Variants in ZNF284 observed in about 807,000 individuals in gnomAD.
ZNF284 encodes zinc finger protein 284.
A neutral mutation model predicts 12.9 loss-of-function variants in ZNF284; 12 were observed. That is an observed-to-expected ratio of 0.93 (90% CI 0.60 to 1.51). The LOEUF is 1.51. Ranked by LOEUF, ZNF284 falls within the 40% of genes most tolerant of loss-of-function variation. The pLI is 0.00. For synonymous variants in ZNF284, 225 were observed against 236.5 expected (o/e 0.95, Z 0.45); for missense variants, 667 against 707.3 (o/e 0.94, Z 0.65).
chr19:44,079,332 G>A (rs886788415), intron 2 of ZNF284, among the ~76,000 whole-genome samples: 6 of 152,198 alleles, frequency 3.9e-5, no homozygotes, highest in South Asian at 2.1e-4. Flanking sequence ...GGTGGCTCAC[G>A]CCCATATTCC....
At chr19:44,072,801 C>T (rs959200973) in intron 1 of ZNF284, among the ~76,000 whole-genome samples, 1 of 152,226 alleles carries the variant, frequency 6.6e-6, no homozygotes, top group Admixed American at 6.5e-5. Flanking sequence ...AGGGTTGTTT[C>T]CATTTCCACG....
chr19:44,087,305 T>C lies in ZNF284; in HGVS notation c.*45T>C, dbSNP rs1304814743. 9 of 1,278,356 alleles carry C rather than the reference T, an allele frequency of 7.0e-6. No individual in the cohort carries two copies. In the South Asian group the frequency reaches 1.3e-4, roughly 18 times the overall value. 79.2% of individuals were successfully genotyped at this position (1,278,356 alleles called of 1,614,324 possible). Reference sequence around the variant, plus strand: ...GTTACAGCATATTTCAATACATGTATACAATGTATAATGATCAAATCAGTG... The same window carrying C: ...GTTACAGCATATTTCAATACATGTACACAATGTATAATGATCAAATCAGTG... On this transcript the variant is annotated 3_prime_UTR_variant, in exon 5 of 5. Coordinates refer to ENST00000421176, the MANE Select transcript of ZNF284 (RefSeq NM_001037813.4).
At chr19:44,073,011 G>A (rs1329712494) in intron 1 of ZNF284, among the ~76,000 whole-genome samples, 1 of 152,204 alleles carries the variant, frequency 6.6e-6, no homozygotes, top group Non-Finnish European at 1.5e-5. Flanking sequence ...TGTAGGATGT[G>A]TCCTCAGGCA....
At position 44,072,237 on chromosome 19, in the gene ZNF284, T is replaced by G. The variant is rs1056210333; in HGVS notation, c.-123T>G. 1 of 152,240 alleles carries G rather than the reference T, an allele frequency of 6.6e-6. No individual in the cohort carries two copies. Among genetic ancestry groups the G allele is most frequent in the African/African-American group, 2.4e-5 (1 of 41,452 alleles). 9.4% of individuals were successfully genotyped at this position (152,240 alleles called of 1,614,324 possible). ...AAACGTGTCCCCTTACGATGCTGGC[T>G]CGCAACCACCTGGAAGTTGACTAAG... On this transcript the variant is annotated 5_prime_UTR_variant, in exon 1 of 5. Transcript: ENST00000421176.
Position 44,085,993 on chromosome 19 carries a change from A to G in ZNF284, c.515A>G (p.Lys172Arg). The change falls in exon 5 of 5, where the codon AAG becomes AGG. Residue 172 changes from lysine (K) to arginine (R), a missense_variant. Coordinates refer to ENST00000421176, the MANE Select transcript of ZNF284 (RefSeq NM_001037813.4). ...LDLHQQLHSG[K>R]ISHTCNEYRK... ...CTTCATCAACAATTACACTCAGGAAAGATATCCCATACATGTAATGAGTAC... is the reference window on the plus strand; with the variant it reads ...CTTCATCAACAATTACACTCAGGAAGGATATCCCATACATGTAATGAGTAC... The G allele has an allele frequency of 6.2e-7, 1 of 1,614,176 alleles. No individual in the cohort carries two copies. Among genetic ancestry groups the G allele is most frequent in the African/African-American group, 1.3e-5 (1 of 75,060 alleles).
In ZNF284 at chr19:44,086,202, C is replaced by T. The variant is rs756725670; in HGVS notation, c.724C>T (p.Arg242Cys). 18 of 1,614,064 alleles carry T rather than the reference C, an allele frequency of 1.1e-5. No individual in the cohort carries two copies. The highest frequency in any genetic ancestry group is 2.2e-5 in the East Asian group (1 of 44,866). Residue 242 changes from arginine (R) to cysteine (C), a missense_variant, in exon 5 of 5, where the codon CGT becomes TGT. By Grantham distance (180) the Arg-to-Cys change is radical. Transcript: ENST00000421176. The part of the protein sequence containing the change: ...KCEQCGKSFS[R>C]RSGMYVHCKL... ...TGAGCAGTGTGGGAAAAGTTTCAGC[C>T]GTAGATCAGGAATGTATGTTCATTG...
At chr19:44,079,212 A>G (rs1271226200) in intron 2 of ZNF284, among the ~76,000 whole-genome samples, 1 of 152,286 alleles carries the variant, frequency 6.6e-6, no homozygotes, top group Non-Finnish European at 1.5e-5. Flanking sequence ...AAGATAGATC[A>G]TCAGTTCCCT....
Position 44,086,766 on chromosome 19 carries a change from C to T in ZNF284, c.1288C>T (p.Gln430Ter). 11 of 1,613,900 alleles carry T rather than the reference C, an allele frequency of 6.8e-6. No homozygotes were observed. The highest frequency in any genetic ancestry group is 9.3e-6 in the Non-Finnish European group (11 of 1,179,992). The stretch of plus-strand genomic sequence containing the variant: ...TAGAGAAGAAGAACTGTATAAATGT[C>T]AGAAGTGTGGGAAGGGCTACATTAG... ...AYREEELYKCQKCGKGYISKF... is the reference protein window; with the variant it reads ...AYREEELYKC The change falls in exon 5 of 5, where the codon CAG becomes TAG. Residue 430 changes from glutamine (Q) to a stop codon, truncating the protein, a stop_gained. Coordinates refer to ENST00000421176, the MANE Select transcript of ZNF284 (RefSeq NM_001037813.4). LOFTEE classifies it low-confidence loss of function (END_TRUNC).
At chr19:44,072,965 T>C (rs1020236534) in intron 1 of ZNF284, among the ~76,000 whole-genome samples, 4 of 152,238 alleles carry the variant, frequency 2.6e-5, no homozygotes, top group African/African-American at 9.6e-5. Flanking sequence ...TCCTTGGCTT[T>C]TTTTCTTTTA....
rs1967309030 is a variant in ZNF284 at position 44,089,230 on chromosome 19, G to GACCCTCTTGCTTCA, written c.*1971_*1972insCCCTCTTGCTTCAA. ...TAGCCTCGAACTCCTGGGCCTAAGTGATCCTCTTGCTTCAATCCCCTGAGA... is the reference window on the plus strand; with the variant it reads ...TAGCCTCGAACTCCTGGGCCTAAGTGACCCTCTTGCTTCAATCCTCTTGCTTCAATCCCCTGAGA... On this transcript the variant is annotated 3_prime_UTR_variant, in exon 5 of 5. Coordinates refer to ENST00000421176, the MANE Select transcript of ZNF284 (RefSeq NM_001037813.4). The GACCCTCTTGCTTCA allele has an allele frequency of 1.3e-5, 2 of 151,862 alleles. No homozygotes were observed. The highest frequency in any genetic ancestry group is 1.3e-4 in the Admixed American group (2 of 15,228). 9.4% of individuals were successfully genotyped at this position (151,862 alleles called of 1,614,324 possible).
chr19:44,086,512 G>A lies in ZNF284; in HGVS notation c.1034G>A (p.Cys345Tyr). 1 of 1,614,200 alleles carries A rather than the reference G, an allele frequency of 6.2e-7. No individual in the cohort carries two copies. Among genetic ancestry groups the A allele is most frequent in the Non-Finnish European group, 8.5e-7 (1 of 1,180,038 alleles). The change falls in exon 5 of 5, where the codon TGT (cysteine) becomes TAT (tyrosine). Residue 345 changes from cysteine to tyrosine, a missense_variant. By Grantham distance (194) the Cys-to-Tyr change is radical (BLOSUM62 -2). Coordinates refer to ENST00000421176, the MANE Select transcript of ZNF284 (RefSeq NM_001037813.4). ...CACACAAAAGAGAAACTATACAAAT[G>A]TGAAGAATGTGGAAGGAGCTTCACT... is the stretch of plus-strand genomic sequence containing the variant. ...MDHTKEKLYKCEECGRSFTCR... is the reference protein window; with the variant it reads ...MDHTKEKLYKYEECGRSFTCR...
intron 3 of ZNF284, 51 bp from the exon 4 acceptor site, chr19:44,081,962 G>GT: frequency 6.7e-7 from 1 of 1,498,802 alleles, no homozygotes; most frequent in African/African-American, 1.4e-5. Context: ...TAAATTTCTA[G>GT]TAAATTTTAC....
chr19:44,085,844 G>A lies in ZNF284; in HGVS notation c.366G>A (p.Gln122=). ...CTCAAGACTCCATAAGTAGCTCTCA[G>A]TTCTCCACACAAGGTGATGTCCCCT... ...TRPQDSISSS[Q]FSTQGDVPSQ... Residue 122 remains glutamine (Q), a synonymous_variant, in exon 5 of 5, where the codon CAG becomes CAA. Transcript: ENST00000421176. 1.3e-6 allele frequency: 2 copies of A among 1,553,122 alleles called. No individual in the cohort carries two copies. The highest frequency in any genetic ancestry group is 1.4e-5 in the African/African-American group (1 of 69,548).
chr19:44,083,474 T>TATATATAGAGAGAG (rs746837013), intron 4 of ZNF284, among the ~76,000 whole-genome samples: 62 of 64,912 alleles, frequency 9.6e-4, no homozygotes, highest in South Asian at 3.4e-3. Flanking sequence ...TATATATATA[T>TATATATAGAGAGAG]AGAGAGAGAG....
At chr19:44,082,477 C>A (rs1000969726) in intron 4 of ZNF284, among the ~76,000 whole-genome samples, 1 of 152,360 alleles carries the variant, frequency 6.6e-6, no homozygotes, top group Admixed American at 6.5e-5. Context: ...GTACTCCCTG[C>A]TGTTTCTCCA....
Position 44,076,361 on chromosome 19 carries a change from T to G in ZNF284, c.-29T>G. On this transcript the variant is annotated 5_prime_UTR_variant, in exon 2 of 5. Coordinates refer to ENST00000421176, the MANE Select transcript of ZNF284 (RefSeq NM_001037813.4). Reference sequence around the variant, plus strand: ...TCTCTTGAACTGCATAACTGAGAACTCTGCAAATTCCCCAAAGAAGGAGGA... The same window carrying G: ...TCTCTTGAACTGCATAACTGAGAACGCTGCAAATTCCCCAAAGAAGGAGGA... 3.1e-6 allele frequency: 5 copies of G among 1,608,632 alleles called. No homozygotes were observed. Among genetic ancestry groups the G allele is most frequent in the Non-Finnish European group, 3.4e-6 (4 of 1,177,072 alleles).
In ZNF284 at chr19:44,081,045, G is replaced by T. The variant is rs940104267; in HGVS notation, c.46G>T (p.Val16Phe). 4.3e-6 allele frequency: 7 copies of T among 1,612,844 alleles called. No individual in the cohort carries two copies. In the African/African-American group the frequency reaches 5.3e-5, roughly 12 times the overall value. ...AGTGACCTTCAAGGATGTGGCTGTG[G>T]TCTTCACCGAGGAGGAGCTGGGGCT... ...EAVTFKDVAV[V>F]FTEEELGLLD... Residue 16 changes from valine to phenylalanine, a missense_variant, in exon 3 of 5, where the codon GTC becomes TTC. Transcript: ENST00000421176.
intron 3 of ZNF284, 31 bp from the exon 4 acceptor site, chr19:44,081,982 A>G (rs773486603): frequency 1.3e-6 from 2 of 1,573,724 alleles, no homozygotes; most frequent in South Asian, 1.1e-5. Flanking sequence ...CCTAAGATGT[A>G]TTGGGATTAA....
intron 2 of ZNF284, among the ~76,000 whole-genome samples, chr19:44,080,565 G>A (rs1207942022): frequency 2.6e-5 from 4 of 152,136 alleles, no homozygotes; most frequent in Admixed American, 1.3e-4. Context: ...CAGCCTGGGC[G>A]ACAGAGTGAG....
Sources: gnomAD v4.1 joint callset for allele counts (sites outside exome capture counted in the v4.1 genomes callset) on GRCh38, gnomAD v4.1.1 for gene constraint, MANE v1.5 for transcripts, NCBI Gene and HGNC (gene_info 2026-07-23, HGNC 2026-07-21) for gene names.